LY9: variants seen among roughly 807,000 people sequenced by gnomAD.
LY9 encodes the protein T-lymphocyte surface antigen Ly-9.
LY9 carries 59 observed loss-of-function variants against 64.6 expected under a neutral mutation model. The observed-to-expected ratio is 0.91, with a 90% confidence interval of 0.74 to 1.13. LY9 has a LOEUF of 1.13. LY9 is among the 50% of genes most tolerant of loss of function. The pLI is 0.00. For missense variants in LY9, 789 were observed against 797.2 expected (o/e 0.99, Z 0.12); for synonymous variants, 281 against 308.5 (o/e 0.91, Z 0.93).
intron 1 of LY9, 124 bp from the exon 2 acceptor site, chr1:160,799,629 C>T (rs1666249452): frequency 1.5e-6 from 1 of 659,524 alleles, no homozygotes; most frequent in South Asian, 1.9e-5. Flanking sequence ...AGAAGGAGGA[C>T]AAGAATCTCA....
At position 160,807,739 on chromosome 1, in the gene LY9, G is replaced by A. The variant is rs181290889; in HGVS notation, c.455-5897G>A. 1.4e-4 allele frequency among the ~76,000 whole-genome samples: 22 copies of A among 152,328 alleles called. No individual in the cohort carries two copies. In the East Asian group the frequency reaches 2.9e-3, roughly 20 times the overall value. On this transcript the variant is annotated intron_variant, in intron 2 of 9. Transcript: ENST00000263285. ...TCCAGGACCACAGGTGGCACTTGCA[G>A]GTAGGTGGTAGTGGCTGGGAGTTAG...
intron 2 of LY9, chr1:160,810,892 A>G (rs919368432): frequency 1.3e-5 from 2 of 152,254 alleles, no homozygotes; most frequent in African/African-American, 4.8e-5. Context: ...ACAGGTATGG[A>G]ATAGACATTG....
chr1:160,799,830 AACATCTC>A lies in LY9; in HGVS notation c.204_210del (p.Asn68LysfsTer2), dbSNP rs760418119. ...AGGGGGTTCCGTGACTCTCCCCCTA[AACATCTC>A]AGTAGACACAGAGATTGAGAACGTC... On this transcript the variant is annotated frameshift_variant, in exon 2 of 10. Transcript: ENST00000263285. LOFTEE classifies it high-confidence loss of function. 1 of 1,613,986 alleles carries A rather than the reference AACATCTC, an allele frequency of 6.2e-7. No homozygotes were observed. Among genetic ancestry groups the A allele is most frequent in the Non-Finnish European group, 8.5e-7 (1 of 1,179,844 alleles).
At chr1:160,800,133 G>A in intron 2 of LY9, 51 bp downstream of exon 2, 1 of 1,425,166 alleles carries the variant, frequency 7.0e-7, no homozygotes, top group Admixed American at 1.9e-5. Flanking sequence ...TTTTATTTGT[G>A]CAAATTTATG....
At chr1:160,805,293 G>T (rs1182861314) in intron 2 of LY9, among the ~76,000 whole-genome samples, 18 of 148,112 alleles carry the variant, frequency 1.2e-4, no homozygotes, top group Non-Finnish European at 1.8e-4. Flanking sequence ...TTGGTATGTT[G>T]TGTTTTTTTT....
intron 6 of LY9, among the ~76,000 whole-genome samples, chr1:160,818,942 G>C (rs538418774): frequency 6.6e-6 from 1 of 152,330 alleles, no homozygotes; most frequent in East Asian, 1.9e-4. Context: ...ATGATTGGCA[G>C]CTCCTCTAGA....
intron 7 of LY9, among the ~76,000 whole-genome samples, chr1:160,820,842 GT>G (rs34903114): frequency 0.04 from 5,785 of 145,548 alleles, 356 homozygotes; most frequent in African/African-American, 0.14. Flanking sequence ...TAATTGAATA[GT>G]TTTTTTTTTT....
At chr1:160,809,302 T>G in intron 2 of LY9, among the ~76,000 whole-genome samples, 1 of 151,264 alleles carries the variant, frequency 6.6e-6, no homozygotes. Flanking sequence ...CTACAGGTAC[T>G]TGCCACCATG....
intron 7 of LY9, among the ~76,000 whole-genome samples, chr1:160,822,417 G>C (rs1383553207): frequency 2.6e-5 from 4 of 152,162 alleles, no homozygotes; most frequent in African/African-American, 9.7e-5. Flanking sequence ...GGATTTTCCA[G>C]TTTATTGGCA....
At position 160,813,715 on chromosome 1, in the gene LY9, C is replaced by A; in HGVS notation, c.534C>A (p.Cys178Ter). 1 of 1,614,190 alleles carries A rather than the reference C, an allele frequency of 6.2e-7. No homozygotes were observed. Among genetic ancestry groups the A allele is most frequent in the Non-Finnish European group, 8.5e-7 (1 of 1,180,014 alleles). The change falls in exon 3 of 10, where the codon TGC (cysteine) becomes TGA (stop). Residue 178 changes from cysteine to a stop codon, truncating the protein, a stop_gained. Transcript: ENST00000263285. LOFTEE classifies it high-confidence loss of function. ...ENFSCNITLM[C>*]SVKGAEKSVL... ...TCTCCTGTAACATCACTCTAATGTG[C>A]TCCGTGAAGGGGGCAGAGAAAAGTG...
intron 7 of LY9, among the ~76,000 whole-genome samples, chr1:160,823,029 C>G (rs1668594532): frequency 6.6e-6 from 1 of 152,186 alleles, no homozygotes; most frequent in East Asian, 1.9e-4. Flanking sequence ...GAGTCATCTC[C>G]TCTCAACTCT....
intron 9 of LY9, among the ~76,000 whole-genome samples, chr1:160,826,979 A>G (rs940063479): frequency 1.3e-5 from 2 of 152,122 alleles, no homozygotes; most frequent in African/African-American, 4.8e-5. Flanking sequence ...CACACACACT[A>G]CCCTGGAGAC....
intron 2 of LY9, chr1:160,802,006 C>T: frequency 1.3e-6 from 2 of 1,516,340 alleles, no homozygotes; most frequent in Non-Finnish European, 1.8e-6. Context: ...GCCGATGGGA[C>T]CCTGCCAGGC....
At chr1:160,797,576 G>A (rs867802857) in intron 1 of LY9, among the ~76,000 whole-genome samples, 2 of 152,202 alleles carry the variant, frequency 1.3e-5, no homozygotes, top group Non-Finnish European at 2.9e-5. Flanking sequence ...ATTTCAAACA[G>A]TTCAGAGCAA....
intron 9 of LY9, among the ~76,000 whole-genome samples, chr1:160,826,427 G>T (rs993777416): frequency 6.6e-6 from 1 of 152,166 alleles, no homozygotes; most frequent in African/African-American, 2.4e-5. Flanking sequence ...ACTTATGCCT[G>T]GTGTTCCATT....
chr1:160,816,831 C>T lies in LY9; in HGVS notation c.1310C>T (p.Ser437Phe), dbSNP rs199688790. 6.2e-7 allele frequency: 1 copy of T among 1,614,244 alleles called. No homozygotes were observed. The highest frequency in any genetic ancestry group is 8.5e-7 in the Non-Finnish European group (1 of 1,180,048). The change falls in exon 5 of 10, where the codon TCC (serine) becomes TTC (phenylalanine). Residue 437 changes from serine to phenylalanine, a missense_variant. Coordinates refer to ENST00000263285, the MANE Select transcript of LY9 (RefSeq NM_002348.4). ...GCCAGCAACCCTGTCAGCAGGAGTT[C>T]CCACCAGTTTCTTTCTGAGAACATC... ...CTASNPVSRSSHQFLSENICS... is the reference protein window; with the variant it reads ...CTASNPVSRSFHQFLSENICS...
Position 160,823,665 on chromosome 1 carries a change from A to C in LY9, c.1699A>C (p.Thr567Pro). 6.2e-7 allele frequency: 1 copy of C among 1,614,106 alleles called. No homozygotes were observed. Among genetic ancestry groups the C allele is most frequent in the Non-Finnish European group, 8.5e-7 (1 of 1,179,988 alleles). Residue 567 changes from threonine to proline, a missense_variant, in exon 8 of 10, where the codon ACT becomes CCT. Thr to Pro is a conservative substitution (Grantham distance 38). Coordinates refer to ENST00000263285, the MANE Select transcript of LY9 (RefSeq NM_002348.4). ...AAGATATGAGGTATTTGACCAGGTC[A>C]CTCAGGAGGGCGCTGGACATGACCC... ...SGRYEVFDQVTQEGAGHDPAP... is the reference protein window; with the variant it reads ...SGRYEVFDQVPQEGAGHDPAP...
Position 160,799,786 on chromosome 1 carries a change from C to T in LY9, c.158C>T (p.Thr53Ile). The change falls in exon 2 of 10, where the codon ACA becomes ATA. Residue 53 changes from threonine (T) to isoleucine (I), a missense_variant. Transcript: ENST00000263285. ...LRASGKDSAP[T>I]VVSGILGGSV... The stretch of plus-strand genomic sequence containing the variant: ...GCCTCTGGAAAGGACTCAGCCCCAA[C>T]AGTGGTGTCAGGGATCCTAGGGGGT... 1.9e-6 allele frequency: 3 copies of T among 1,613,850 alleles called. No homozygotes were observed. The South Asian group carries it at 3.3e-5, about 18-fold the overall frequency.
intron 2 of LY9, among the ~76,000 whole-genome samples, chr1:160,803,175 G>A (rs1241121237): frequency 6.6e-6 from 1 of 152,074 alleles, no homozygotes; most frequent in Non-Finnish European, 1.5e-5. Context: ...CCAGCTACTC[G>A]GAAGTCTGAG....
Sources: gnomAD v4.1 joint callset for allele counts (sites outside exome capture counted in the v4.1 genomes callset) on GRCh38, gnomAD v4.1.1 for gene constraint, MANE v1.5 for transcripts, NCBI Gene and HGNC (gene_info 2026-07-23, HGNC 2026-07-21) for gene names.